PTPRN2: variants seen among roughly 807,000 people sequenced by gnomAD.
PTPRN2 encodes receptor-type tyrosine-protein phosphatase N2.
In PTPRN2, 74 loss-of-function variants were observed where a neutral mutation model predicts 118.8. That is an observed-to-expected ratio of 0.62 (90% CI 0.52 to 0.76). The LOEUF is 0.76. Among genes scored for constraint, PTPRN2 ranks in the 30% least tolerant of loss-of-function variants. The probability of loss-of-function intolerance (pLI) is 0.00; values close to 1 mark genes in which losing one functional copy is unlikely to be tolerated. For synonymous variants in PTPRN2, 641 were observed against 608.0 expected (o/e 1.05, Z -0.80); for missense variants, 1,481 against 1,394.4 (o/e 1.06, Z -0.99).
chr7:157,909,966 T>C (rs1797990542), intron 11 of PTPRN2, among the ~76,000 whole-genome samples: 1 of 152,216 alleles, frequency 6.6e-6, no homozygotes, highest in Non-Finnish European at 1.5e-5. Context: ...ATCTCTAGGA[T>C]GATCATGCCA....
chr7:158,235,109 G>A (rs945477535), intron 3 of PTPRN2, among the ~76,000 whole-genome samples: 6 of 151,298 alleles, frequency 4.0e-5, no homozygotes, highest in African/African-American at 1.5e-4. Flanking sequence ...TGGCTGGCAC[G>A]GATGTGGAGA....
At chr7:158,486,386 A>G (rs561128373) in intron 2 of PTPRN2, among the ~76,000 whole-genome samples, 1 of 152,342 alleles carries the variant, frequency 6.6e-6, no homozygotes, top group East Asian at 1.9e-4. Context: ...AGGACATACC[A>G]CCTGTGTTTG....
chr7:157,746,044 C>T (rs1375314861), intron 12 of PTPRN2, among the ~76,000 whole-genome samples: 1 of 149,978 alleles, frequency 6.7e-6, no homozygotes, highest in Non-Finnish European at 1.5e-5. Flanking sequence ...TCACAGGGCC[C>T]TGAGTGTGGA....
rs568188071 is a variant in PTPRN2, at chr7:158,544,002, C to T, written c.112+43556G>A. Among the ~76,000 whole-genome samples the T allele has an allele frequency of 2.6e-5, 4 of 152,356 alleles. No individual in the cohort carries two copies. The highest frequency in any genetic ancestry group is 1.9e-4 in the East Asian group (1 of 5,182). ...GGTCCAAAAACCAGGGCAGCCCCAACTGGCCGGGAAAGCTCCTCTGGGCTC... is the reference window on the plus strand; with the variant it reads ...GGTCCAAAAACCAGGGCAGCCCCAATTGGCCGGGAAAGCTCCTCTGGGCTC... On this transcript the variant is annotated intron_variant, in intron 1 of 22. Transcript: ENST00000389418. This position sits in a 1 kb window ranked among gnomAD's most constrained non-coding sequence, Gnocchi z 4.2.
At chr7:157,570,470 G>C (rs1013328494) in intron 20 of PTPRN2, among the ~76,000 whole-genome samples, 2 of 152,208 alleles carry the variant, frequency 1.3e-5, no homozygotes, top group African/African-American at 4.8e-5. Context: ...GTTCTTTGGA[G>C]ACAGGTTTCC....
chr7:157,587,602 G>T lies in PTPRN2; in HGVS notation c.2496+7636C>A, dbSNP rs1800751315. The stretch of plus-strand genomic sequence containing the variant: ...AGAAAGCAGAAACTAGAAATTGAAA[G>T]TGCACCTTTTTCTTGGTAAAATGTT... On this transcript the variant is annotated intron_variant, in intron 17 of 22. Coordinates refer to ENST00000389418, the MANE Select transcript of PTPRN2 (RefSeq NM_002847.5). This position sits in a 1 kb window ranked among gnomAD's most constrained non-coding sequence, Gnocchi z 5.3. Among the ~76,000 whole-genome samples the T allele has an allele frequency of 1.3e-5, 2 of 152,230 alleles. No homozygotes were observed. The highest frequency in any genetic ancestry group is 2.4e-5 in the African/African-American group (1 of 41,458).
chr7:157,842,645 C>G (rs1319741204), intron 12 of PTPRN2, among the ~76,000 whole-genome samples: 1 of 152,024 alleles, frequency 6.6e-6, no homozygotes, highest in Non-Finnish European at 1.5e-5. Context: ...GAACTCCAGA[C>G]CTTGTGATTC....
chr7:157,788,147 G>A (rs867306740), intron 12 of PTPRN2, among the ~76,000 whole-genome samples: 2 of 152,120 alleles, frequency 1.3e-5, no homozygotes, highest in Non-Finnish European at 2.9e-5. Context: ...AGGCTGAGGC[G>A]GGCGGATCAC....
intron 2 of PTPRN2, among the ~76,000 whole-genome samples, chr7:158,391,424 C>T (rs920679731): frequency 7.2e-5 from 11 of 152,226 alleles, no homozygotes; most frequent in African/African-American, 1.7e-4. Flanking sequence ...CTCCTTCGGA[C>T]GCTGACTGCA....
intron 2 of PTPRN2, among the ~76,000 whole-genome samples, chr7:158,372,341 G>C (rs973882961): frequency 1.3e-5 from 2 of 149,834 alleles, no homozygotes; most frequent in African/African-American, 4.9e-5. Flanking sequence ...CCCCAACGCT[G>C]GTCCCTGGAG....
Position 157,630,403 on chromosome 7 carries a change from C to T in PTPRN2, c.2197-8894G>A, listed in dbSNP as rs185363496. ...CCTGAAACAGGAATCCCGACCCATA[C>T]GACCATATTCAACTTGCCATCTCAC... On this transcript the variant is annotated intron_variant, in intron 14 of 22. Coordinates refer to ENST00000389418, the MANE Select transcript of PTPRN2 (RefSeq NM_002847.5). 3.7e-3 allele frequency among the ~76,000 whole-genome samples: 566 copies of T among 152,286 alleles called. 2 individuals carry two copies. The highest frequency in any genetic ancestry group is 6.9e-3 in the Non-Finnish European group (470 of 68,026).
In PTPRN2 at chr7:157,889,120, A is replaced by G. The variant is rs995094; in HGVS notation, c.1788+9553T>C. ...AAACTCACTTGCAATTCCACTGAGA[A>G]AAATAAAGTCCAAAGCCCCAACTGA... On this transcript the variant is annotated intron_variant, in intron 12 of 22. Coordinates refer to ENST00000389418, the MANE Select transcript of PTPRN2 (RefSeq NM_002847.5). Among the ~76,000 whole-genome samples the G allele has an allele frequency of 2.8e-4, 42 of 152,300 alleles. 2 individuals carry two copies. The South Asian group carries it at 8.7e-3, about 32-fold the overall frequency.
At chr7:157,998,481 T>A (rs1478876452) in intron 11 of PTPRN2, among the ~76,000 whole-genome samples, 3 of 152,166 alleles carry the variant, frequency 2.0e-5, no homozygotes, top group African/African-American at 7.2e-5. Context: ...CCAACGTAGA[T>A]GCTGTGTTGG....
At chr7:158,172,088 C>T (rs2150619292) in intron 5 of PTPRN2, among the ~76,000 whole-genome samples, 1 of 152,252 alleles carries the variant, frequency 6.6e-6, no homozygotes, top group African/African-American at 2.4e-5. Context: ...TATTCTTCAA[C>T]CCACTGCATT....
intron 10 of PTPRN2, among the ~76,000 whole-genome samples, chr7:158,091,613 T>C (rs1431262996): frequency 1.3e-5 from 2 of 149,544 alleles, no homozygotes; most frequent in Non-Finnish European, 3.0e-5. Flanking sequence ...GGTAGAGAGA[T>C]GGTTGGGTGA....
chr7:158,146,753 A>C (rs974623903), intron 6 of PTPRN2, among the ~76,000 whole-genome samples: 3 of 151,404 alleles, frequency 2.0e-5, no homozygotes, highest in African/African-American at 7.3e-5. Context: ...AAAAGAAACA[A>C]TAGAAAATTA....
intron 13 of PTPRN2, among the ~76,000 whole-genome samples, chr7:157,665,249 T>G (rs1342814085): frequency 6.6e-6 from 1 of 152,272 alleles, no homozygotes; most frequent in Non-Finnish European, 1.5e-5. Context: ...TGGCTCTGTT[T>G]ATGATCCGCG....
At chr7:157,759,420 G>C (rs1486986595) in intron 12 of PTPRN2, among the ~76,000 whole-genome samples, 1 of 152,252 alleles carries the variant, frequency 6.6e-6, no homozygotes, top group East Asian at 1.9e-4. Context: ...GAGAACCCGA[G>C]GTGGACAGAG....
chr7:158,333,418 A>C (rs1173350627), intron 2 of PTPRN2, among the ~76,000 whole-genome samples: 1 of 144,024 alleles, frequency 6.9e-6, no homozygotes, highest in Non-Finnish European at 1.5e-5. Context: ...TCACACCCAC[A>C]CTGTCACCAT....
Sources: gnomAD v4.1 joint callset for allele counts (sites outside exome capture counted in the v4.1 genomes callset) on GRCh38, gnomAD v4.1.1 for gene constraint, Gnocchi (gnomAD v3.1) non-coding constraint, MANE v1.5 for transcripts, NCBI Gene and HGNC (gene_info 2026-07-23, HGNC 2026-07-21) for gene names.